MAD2L2: variants seen among roughly 807,000 people sequenced by gnomAD.
MAD2L2 encodes mitotic spindle assembly checkpoint protein MAD2B.
In MAD2L2, 17 loss-of-function variants were observed where a neutral mutation model predicts 30.5. The ratio of observed to expected loss-of-function variants is 0.56; its 90% CI spans 0.38 to 0.84. MAD2L2 has a LOEUF of 0.84. Ranked by LOEUF, MAD2L2 falls within the 40% of genes least tolerant of loss-of-function variation. The pLI is 0.00. For missense variants in MAD2L2, 213 were observed against 277.4 expected (o/e 0.77, Z 1.65); for synonymous variants, 101 against 113.9 (o/e 0.89, Z 0.72).
chr1:11,690,776 C>T lies in MAD2L2; in HGVS notation c.-692+637G>A, dbSNP rs528467677. 6.6e-5 allele frequency among the ~76,000 whole-genome samples: 10 copies of T among 152,192 alleles called. No homozygotes were observed. In the South Asian group the frequency reaches 1.9e-3, roughly 28 times the overall value. ...TTATGGGAGGCACGGGACCCATAAC[C>T]CAGCATTCTCAGACTCCCAGGGTCG... On this transcript the variant is annotated intron_variant, in intron 1 of 10. Transcript: ENST00000235310. The surrounding 1 kb of genome is among the most constrained non-coding windows in gnomAD (Gnocchi z 4.2).
At chr1:11,685,859 G>A (rs1489150043), upstream of MAD2L2, among the ~76,000 whole-genome samples, 1 of 152,110 alleles carries the variant, frequency 6.6e-6, no homozygotes. Context: ...GGCTGAGGTG[G>A]GAGGATCACT....
chr1:11,677,711 G>A (rs979615989), intron 3 of MAD2L2, 97 bp from the exon 4 acceptor site: 12 of 982,032 alleles, frequency 1.2e-5, no homozygotes, highest in South Asian at 9.6e-5. Flanking sequence ...CCTTCGGTCC[G>A]AGGCCCAGCA....
chr1:11,685,816 G>A (rs1557682093), upstream of MAD2L2, among the ~76,000 whole-genome samples: 1 of 152,140 alleles, frequency 6.6e-6, no homozygotes, highest in Non-Finnish European at 1.5e-5. Flanking sequence ...GCTGAGCATG[G>A]TGGCGTGCAC....
chr1:11,679,506 C>T (rs577981596), intron 3 of MAD2L2, among the ~76,000 whole-genome samples: 2 of 152,086 alleles, frequency 1.3e-5, no homozygotes, highest in Non-Finnish European at 1.5e-5. Context: ...CGAGCTCCTT[C>T]AAAGTGCCAC....
At chr1:11,680,299 G>T (rs1337806413) in intron 3 of MAD2L2, 54 bp downstream of exon 3, 16 of 1,476,896 alleles carry the variant, frequency 1.1e-5, no homozygotes, top group Admixed American at 1.8e-5. Flanking sequence ...CCCGACCAAA[G>T]AATTTTTAAA....
In MAD2L2 at chr1:11,676,131, C is replaced by T. The variant is rs780062910; in HGVS notation, c.342G>A (p.Ser114=). Residue 114 remains serine, a synonymous_variant, in exon 6 of 9, where the codon TCG becomes TCA. Transcript: ENST00000376692. ...QPPLLSISSD[S]LLSHVEQLLR... ...GCAGCTGCTCCACATGAGACAACAG[C>T]GAGTCTGAGCTGGGAGTGAGAGGAG... The T allele has an allele frequency of 9.4e-6, 15 of 1,598,812 alleles. 1 individual carries two copies. The South Asian group carries it at 1.2e-4, about 13-fold the overall frequency.
At chr1:11,684,563 C>T (rs1247516209), upstream of MAD2L2, among the ~76,000 whole-genome samples, 2 of 152,080 alleles carry the variant, frequency 1.3e-5, no homozygotes, top group Non-Finnish European at 2.9e-5. Flanking sequence ...CTGTGAGCAC[C>T]AGCCCAGCAA....
In MAD2L2 at chr1:11,680,047, A is replaced by G. The variant is rs577997530; in HGVS notation, c.159+306T>C. Among the ~76,000 whole-genome samples, 7 of 127,284 alleles carry G rather than the reference A, an allele frequency of 5.5e-5. No individual in the cohort carries two copies. The South Asian group carries it at 7.6e-4, about 14-fold the overall frequency. 83.5% of individuals were successfully genotyped at this position (127,284 alleles called of 152,430 possible). A position where few individuals can be genotyped will look rare whatever the true frequency, so the allele number is the denominator to read the frequency against. ...TTTCGCTCTTGTCACCCAGGCTGGA[A>G]TGCAGTGGCACAATTTCGGCTCACT... On this transcript the variant is annotated intron_variant, in intron 3 of 8. Transcript: ENST00000376692.
At position 11,688,043 on chromosome 1, in the gene MAD2L2, AG is replaced by A. The variant is rs1274407363; in HGVS notation, c.-692+3369del. 6.6e-6 allele frequency among the ~76,000 whole-genome samples: 1 copy of A among 152,186 alleles called. No homozygotes were observed. ...AAGCACATCGGAAGATCACCCAGCC[AG>A]GGGACAGCCACAGTAGCAGCATTTG... On this transcript the variant is annotated intron_variant, in intron 1 of 10. Coordinates refer to the MAD2L2 transcript ENST00000235310. This position sits in a 1 kb window ranked among gnomAD's most constrained non-coding sequence, Gnocchi z 4.6.
intron 3 of MAD2L2, among the ~76,000 whole-genome samples, chr1:11,679,985 GTTTTTT>G (rs70983583): frequency 5.7e-5 from 5 of 87,566 alleles, no homozygotes; most frequent in African/African-American, 2.3e-4. Flanking sequence ...AGTGGAAGAG[GTTTTTT>G]TTTTTTTTTT....
chr1:11,686,098 C>T (rs562250602), upstream of MAD2L2, among the ~76,000 whole-genome samples: 5 of 152,250 alleles, frequency 3.3e-5, no homozygotes, highest in South Asian at 1.0e-3. Flanking sequence ...TTTTCAAAAC[C>T]CCATCCAAAC....
At chr1:11,679,121 G>T (rs1278944637) in intron 3 of MAD2L2, among the ~76,000 whole-genome samples, 1 of 152,118 alleles carries the variant, frequency 6.6e-6, no homozygotes, top group Admixed American at 6.6e-5. Context: ...CCAAGATCAC[G>T]CCACTGCACT....
chr1:11,689,631 T>C (rs1340234179), intron 1 of MAD2L2, among the ~76,000 whole-genome samples: 4 of 152,242 alleles, frequency 2.6e-5, no homozygotes, highest in South Asian at 4.1e-4. Flanking sequence ...GGGAGAAGCA[T>C]GAATAATCCA....
At chr1:11,679,977 T>C (rs1314688284) in intron 3 of MAD2L2, among the ~76,000 whole-genome samples, 1 of 131,508 alleles carries the variant, frequency 7.6e-6, no homozygotes, top group Non-Finnish European at 1.6e-5. Context: ...TGGCCCGAAG[T>C]GGAAGAGGTT....
chr1:11,680,863 C>A, intron 1 of MAD2L2, 176 bp downstream of exon 1: 1 of 1,084,376 alleles, frequency 9.2e-7, no homozygotes, highest in Non-Finnish European at 1.2e-6. Context: ...AAGACCACAG[C>A]TGTGCCCCCG....
At position 11,677,146 on chromosome 1, in the gene MAD2L2, G is replaced by A; in HGVS notation, c.232-198C>T. On this transcript the variant is annotated intron_variant, in intron 4 of 8. Transcript: ENST00000376692. ...CTCCAGCATGAGTGGTGTAGGCTGAGAGAATGCCCGGGCCCCATAGGGAAG... is the reference window on the plus strand; with the variant it reads ...CTCCAGCATGAGTGGTGTAGGCTGAAAGAATGCCCGGGCCCCATAGGGAAG... The A allele has an allele frequency of 8.0e-6, 5 of 626,008 alleles. No homozygotes were observed. In the South Asian group the frequency reaches 9.5e-5, roughly 12 times the overall value. The allele number at this position is 626,008 out of a possible 1,614,324, so 38.8% of individuals were successfully genotyped here. A position where few individuals can be genotyped will look rare whatever the true frequency, so the allele number is the denominator to read the frequency against.
chr1:11,677,070 T>C (rs1487061740), intron 4 of MAD2L2, 122 bp from the exon 5 acceptor site: 4 of 774,390 alleles, frequency 5.2e-6, no homozygotes, highest in Non-Finnish European at 8.8e-6. Context: ...GCTCAGCTGC[T>C]AGGCTGGGGG....
At position 11,687,435 on chromosome 1, in the gene MAD2L2, T is replaced by C. The variant is rs1393552632; in HGVS notation, c.-692+3978A>G. ...TTAAATTTTTAGTAGACATGAGGTT[T>C]TGCCATATTGGCCAGGCTGGTCTCG... On this transcript the variant is annotated intron_variant, in intron 1 of 10. Transcript: ENST00000235310. The surrounding 1 kb of genome is among the most constrained non-coding windows in gnomAD (Gnocchi z 4.1). Among the ~76,000 whole-genome samples the C allele has an allele frequency of 6.6e-6, 1 of 152,212 alleles. No homozygotes were observed. The highest frequency in any genetic ancestry group is 1.5e-5 in the Non-Finnish European group (1 of 68,036).
At chr1:11,682,222 C>T (rs1321966971), upstream of MAD2L2, among the ~76,000 whole-genome samples, 1 of 152,146 alleles carries the variant, frequency 6.6e-6, no homozygotes, top group Non-Finnish European at 1.5e-5. Flanking sequence ...TCTTCTGACA[C>T]CAGGGCTTCC....
Sources: gnomAD v4.1 joint callset for allele counts (sites outside exome capture counted in the v4.1 genomes callset) on GRCh38, gnomAD v4.1.1 for gene constraint, Gnocchi (gnomAD v3.1) non-coding constraint, MANE v1.5 for transcripts, NCBI Gene and HGNC (gene_info 2026-07-23, HGNC 2026-07-21) for gene names.